FZD3: variants seen among roughly 807,000 people sequenced by gnomAD.
FZD3 encodes frizzled class receptor 3, also known as frizzled-3.
A neutral mutation model predicts 60.7 loss-of-function variants in FZD3; 30 were observed. The observed-to-expected ratio is 0.49, with a 90% CI of 0.37 to 0.67. The LOEUF (loss-of-function observed/expected upper bound fraction) is 0.67. Among genes scored for constraint, FZD3 ranks in the 30% least tolerant of loss-of-function variants. FZD3 has a pLI of 0.00. For synonymous variants in FZD3, 246 were observed against 275.2 expected, an observed-to-expected ratio of 0.89 and a Z score of 1.05; for missense variants, 605 against 838.7, an observed-to-expected ratio of 0.72 and a Z score of 3.44.
chr8:28,535,191 T>G (rs969984947), intron 5 of FZD3, among the ~76,000 whole-genome samples: 1 of 152,214 alleles, frequency 6.6e-6, no homozygotes, highest in South Asian at 2.1e-4. Flanking sequence ...TATTTTAAAA[T>G]GAGTGTTCTC....
intron 7 of FZD3, among the ~76,000 whole-genome samples, chr8:28,560,164 G>A (rs1423836109): frequency 1.3e-5 from 2 of 152,136 alleles, no homozygotes; most frequent in African/African-American, 2.4e-5. Context: ...AAATAGTATG[G>A]ACACTCAAAA....
intron 5 of FZD3, among the ~76,000 whole-genome samples, chr8:28,530,803 AT>A (rs1244728902): frequency 1.3e-5 from 2 of 149,408 alleles, no homozygotes; most frequent in Admixed American, 6.7e-5. Context: ...TTATAAAAAA[AT>A]GTTTGTTTTA....
rs926873923 is a variant in FZD3 at position 28,573,394 on chromosome 8, G to C, written c.*10383G>C. On this transcript the variant is annotated 3_prime_UTR_variant, in exon 8 of 8. Transcript: ENST00000240093. ...AGTGGAAATAATTTAAATTAGTGTT[G>C]ATGGGACTATTTTGAGGCAAGAGAT... 3 of 151,924 alleles carry C rather than the reference G, an allele frequency of 2.0e-5. No homozygotes were observed. The highest frequency in any genetic ancestry group is 4.4e-5 in the Non-Finnish European group (3 of 67,960). The allele number at this position is 151,924 out of a possible 1,614,324, so 9.4% of individuals were successfully genotyped here.
At position 28,544,799 on chromosome 8, in the gene FZD3, GA is replaced by G. The variant is rs146127060; in HGVS notation, c.1405-6802del. Among the ~76,000 whole-genome samples, 773 of 152,260 alleles carry G rather than the reference GA, an allele frequency of 5.1e-3. 3 individuals are homozygous for G. Among genetic ancestry groups the G allele is most frequent in the African/African-American group, 0.016 (648 of 41,550 alleles). On this transcript the variant is annotated intron_variant, in intron 5 of 7. Coordinates refer to ENST00000240093, the MANE Select transcript of FZD3 (RefSeq NM_017412.4). ...AGTCTGTTTTCTGTTGAGTGAAACA[GA>G]ATACCTGAAACTGGGTAATTTTTAA...
At chr8:28,502,130 G>A (rs1804011102) in intron 2 of FZD3, among the ~76,000 whole-genome samples, 1 of 152,108 alleles carries the variant, frequency 6.6e-6, no homozygotes, top group Non-Finnish European at 1.5e-5. Flanking sequence ...AAAAATTCTA[G>A]GTACATAGAA....
chr8:28,562,742 T>C, intron 7 of FZD3, 56 bp from the exon 8 acceptor site: 1 of 1,013,096 alleles, frequency 9.9e-7, no homozygotes, highest in Non-Finnish European at 1.5e-6. Context: ...ATTATTAGTG[T>C]TATTATATTT....
chr8:28,552,739 C>T (rs750733308), intron 6 of FZD3, among the ~76,000 whole-genome samples: 10 of 151,970 alleles, frequency 6.6e-5, no homozygotes, highest in Admixed American at 1.3e-4. Context: ...TACTAAAATA[C>T]CAGTAATTAA....
At chr8:28,559,340 A>G (rs546766589) in intron 7 of FZD3, among the ~76,000 whole-genome samples, 1 of 152,124 alleles carries the variant, frequency 6.6e-6, no homozygotes, top group South Asian at 2.1e-4. Flanking sequence ...AACAGTGGGC[A>G]TATGAGTCAG....
At chr8:28,555,602 T>C in intron 6 of FZD3, 136 bp from the exon 7 acceptor site, 2 of 628,880 alleles carry the variant, frequency 3.2e-6, no homozygotes, top group South Asian at 3.9e-5. Flanking sequence ...TCAACAATGT[T>C]TCTTCATGTC....
At chr8:28,495,619 C>G (rs1235944450) in intron 1 of FZD3, among the ~76,000 whole-genome samples, 1 of 152,020 alleles carries the variant, frequency 6.6e-6, no homozygotes, top group Non-Finnish European at 1.5e-5. Flanking sequence ...GTCCTTAGTT[C>G]TATTATTAAG....
chr8:28,514,941 C>T (rs1285306406), intron 3 of FZD3, among the ~76,000 whole-genome samples: 1 of 152,078 alleles, frequency 6.6e-6, no homozygotes, highest in Non-Finnish European at 1.5e-5. Context: ...GAAACTGAAG[C>T]GTAGAGAGAT....
At chr8:28,528,668 T>C (rs1310631021) in intron 5 of FZD3, among the ~76,000 whole-genome samples, 1 of 152,186 alleles carries the variant, frequency 6.6e-6, no homozygotes, top group Admixed American at 6.5e-5. Context: ...CTTAGAATTA[T>C]GGAATTTTAA....
chr8:28,520,871 TG>T (rs760665801), intron 4 of FZD3, 37 bp downstream of exon 4: 13 of 1,336,850 alleles, frequency 9.7e-6, no homozygotes, highest in Non-Finnish European at 1.3e-5. Context: ...TCATTTCTTA[TG>T]TTGCAATATG....
intron 4 of FZD3, among the ~76,000 whole-genome samples, chr8:28,523,192 T>C (rs1804630312): frequency 6.6e-6 from 1 of 152,200 alleles, no homozygotes; most frequent in African/African-American, 2.4e-5. Flanking sequence ...CTGGGTAAAT[T>C]ATAAATAATA....
intron 2 of FZD3, among the ~76,000 whole-genome samples, chr8:28,500,458 C>G (rs1803958804): frequency 6.6e-6 from 1 of 152,050 alleles, no homozygotes; most frequent in Admixed American, 6.5e-5. Flanking sequence ...CTTCTTTGAA[C>G]CATTGATTTG....
chr8:28,507,944 TGCAGTGGA>T (rs1417442741), intron 3 of FZD3, among the ~76,000 whole-genome samples: 1 of 152,150 alleles, frequency 6.6e-6, no homozygotes, highest in Non-Finnish European at 1.5e-5. Context: ...CAGGCTGGAG[TGCAGTGGA>T]GCAATCATAG....
Position 28,527,968 on chromosome 8 carries a change from A to C in FZD3, c.1208A>C (p.Glu403Ala). 1 of 1,614,002 alleles carries C rather than the reference A, an allele frequency of 6.2e-7. No individual in the cohort carries two copies. The highest frequency in any genetic ancestry group is 1.1e-5 in the South Asian group (1 of 91,076). The change falls in exon 5 of 8, where the codon GAG becomes GCG. Residue 403 changes from glutamate to alanine, a missense_variant. By Grantham distance (107) the Glu-to-Ala change is moderately radical. Transcript: ENST00000240093. The surrounding 1 kb of genome is among the most constrained non-coding windows in gnomAD (Gnocchi z 5.0). ...ATATCCCTAAACAGAGTTCGAATTGAGATTCCATTAGAAAAGGAGAACCAA... is the reference window on the plus strand; with the variant it reads ...ATATCCCTAAACAGAGTTCGAATTGCGATTCCATTAGAAAAGGAGAACCAA... ...GIISLNRVRI[E>A]IPLEKENQDK...
chr8:28,517,147 G>A (rs1405579793), intron 3 of FZD3, among the ~76,000 whole-genome samples: 4 of 151,952 alleles, frequency 2.6e-5, no homozygotes, highest in Non-Finnish European at 5.9e-5. Flanking sequence ...TTTGTTGATG[G>A]CTAATTTTTC....
At position 28,569,750 on chromosome 8, in the gene FZD3, A is replaced by G. The variant is rs1218951380; in HGVS notation, c.*6739A>G. The stretch of plus-strand genomic sequence containing the variant: ...ATAAATATTGGACATGGCTTTTTTA[A>G]ATGGGAAAGTCTTCTTAAGCACCAA... On this transcript the variant is annotated 3_prime_UTR_variant, in exon 8 of 8. Coordinates refer to ENST00000240093, the MANE Select transcript of FZD3 (RefSeq NM_017412.4). 6.6e-6 allele frequency: 1 copy of G among 152,156 alleles called. No homozygotes were observed. The highest frequency in any genetic ancestry group is 1.5e-5 in the Non-Finnish European group (1 of 68,006). The allele number at this position is 152,156 out of a possible 1,614,324, so 9.4% of individuals were successfully genotyped here. A position where few individuals can be genotyped will look rare whatever the true frequency, so the allele number is the denominator to read the frequency against.
Sources: gnomAD v4.1 joint callset for allele counts (sites outside exome capture counted in the v4.1 genomes callset) on GRCh38, gnomAD v4.1.1 for gene constraint, Gnocchi (gnomAD v3.1) non-coding constraint, MANE v1.5 for transcripts, NCBI Gene and HGNC (gene_info 2026-07-23, HGNC 2026-07-21) for gene names.